Variants in CNOT1 observed in about 807,000 individuals in gnomAD.
CNOT1 encodes CCR4-associated factor 1.
In CNOT1, 15 loss-of-function variants were observed where a neutral mutation model predicts 273.8. The observed-to-expected ratio is 0.05, with a 90% confidence interval of 0.04 to 0.08. CNOT1 has a LOEUF of 0.08. CNOT1 is among the 10% of genes least tolerant of loss of function. The probability of loss-of-function intolerance (pLI) is 1.00; values close to 1 mark genes in which losing one functional copy is unlikely to be tolerated. For missense variants in CNOT1, 1,644 were observed against 2,912.2 expected, an observed-to-expected ratio of 0.56 and a Z score of 10.02; for synonymous variants, 1,022 against 1,005.5, an observed-to-expected ratio of 1.02 and a Z score of -0.31.
chr16:58,578,430 G>A (rs546007194), intron 13 of CNOT1, among the ~76,000 whole-genome samples: 4 of 145,668 alleles, frequency 2.7e-5, no homozygotes, highest in African/African-American at 1.0e-4. Context: ...TCCAGCCTGG[G>A]CGACAGAGCA....
chr16:58,579,450 G>T (rs1052319832), intron 12 of CNOT1, among the ~76,000 whole-genome samples: 8 of 151,916 alleles, frequency 5.3e-5, no homozygotes, highest in African/African-American at 1.5e-4. Context: ...ATGTGATAAT[G>T]GTATTTAAGC....
chr16:58,525,937 GA>G lies in CNOT1; in HGVS notation c.6603+51del, dbSNP rs532403577. ...TGGACCACACACAGGACCATACATA[GA>G]AAGTGCTTTATATGGAAGACGTAGA... is the stretch of plus-strand genomic sequence containing the variant. On this transcript the variant is annotated intron_variant, in intron 45 of 48. Coordinates refer to ENST00000317147, the MANE Select transcript of CNOT1 (RefSeq NM_016284.5). 1,791 of 1,525,568 alleles carry G rather than the reference GA, an allele frequency of 1.2e-3. 7 individuals are homozygous for G. The highest frequency in any genetic ancestry group is 1.9e-3 in the South Asian group (165 of 87,688). 94.5% of individuals were successfully genotyped at this position (1,525,568 alleles called of 1,614,324 possible).
At chr16:58,581,305 G>A (rs2041652237) in intron 11 of CNOT1, 40 bp downstream of exon 11, 1 of 1,563,362 alleles carries the variant, frequency 6.4e-7, no homozygotes. Flanking sequence ...AATAAGTCAT[G>A]TTTTATTCCC....
At chr16:58,608,734 T>A (rs12447860) in intron 1 of CNOT1, among the ~76,000 whole-genome samples, 48,135 of 151,678 alleles carry the variant, frequency 0.32, 9,621 homozygotes, top group Non-Finnish European at 0.45. Flanking sequence ...CATCAACGAG[T>A]GGATAAACAA....
intron 23 of CNOT1, 112 bp downstream of exon 23, chr16:58,551,477 T>C (rs1018540396): frequency 1.5e-6 from 2 of 1,315,848 alleles, no homozygotes; most frequent in East Asian, 2.3e-5. Context: ...TGTCAGTCTT[T>C]TATATCTTTT....
chr16:58,529,778 T>C (rs938731876), intron 43 of CNOT1, among the ~76,000 whole-genome samples: 4 of 138,250 alleles, frequency 2.9e-5, no homozygotes, highest in Non-Finnish European at 4.6e-5. Context: ...GAGGTGGAGG[T>C]TGCAGTAAGC....
chr16:58,544,798 T>C (rs969152421), intron 30 of CNOT1, among the ~76,000 whole-genome samples: 1 of 152,224 alleles, frequency 6.6e-6, no homozygotes, highest in Non-Finnish European at 1.5e-5. Context: ...AAATGTCCCC[T>C]TGAATGTACA....
chr16:58,546,223 T>A (rs575165683), intron 29 of CNOT1, 98 bp downstream of exon 29: 2 of 1,065,036 alleles, frequency 1.9e-6, no homozygotes, highest in Admixed American at 2.2e-5. Flanking sequence ...ACCACTACAT[T>A]ATGTGGGAAA....
At position 58,592,756 on chromosome 16, in the gene CNOT1, C is replaced by T. The variant is rs142253354; in HGVS notation, c.103-3850G>A. 3.9e-5 allele frequency among the ~76,000 whole-genome samples: 6 copies of T among 152,278 alleles called. No individual in the cohort carries two copies. The East Asian group carries it at 7.7e-4, about 20-fold the overall frequency. On this transcript the variant is annotated intron_variant, in intron 2 of 48. Transcript: ENST00000317147. Reference sequence around the variant, plus strand: ...CTGTTCAAGTGATGAATCTGCAACACCAATGAGCCATGAAAGAAAAAAGTT... The same window carrying T: ...CTGTTCAAGTGATGAATCTGCAACATCAATGAGCCATGAAAGAAAAAAGTT...
chr16:58,542,017 A>AAC (rs2040110133), intron 33 of CNOT1, among the ~76,000 whole-genome samples: 1 of 152,226 alleles, frequency 6.6e-6, no homozygotes, highest in Non-Finnish European at 1.5e-5. Flanking sequence ...TTAGAGTAAT[A>AAC]ACACTTCAAC....
At chr16:58,588,056 T>C (rs992747001) in intron 3 of CNOT1, among the ~76,000 whole-genome samples, 178 bp from the exon 4 acceptor site, 2 of 152,190 alleles carry the variant, frequency 1.3e-5, no homozygotes, top group African/African-American at 4.8e-5. Flanking sequence ...CCCAGCACTT[T>C]GAGAGGCCAA....
At chr16:58,539,472 CACACACACACACACACACACAG>C (rs2040013619) in intron 35 of CNOT1, among the ~76,000 whole-genome samples, 1 of 145,138 alleles carries the variant, frequency 6.9e-6, no homozygotes, top group Non-Finnish European at 1.5e-5. Context: ...CTCTTACACA[CACACACACACACACACACACAG>C]ACACACACAC....
At chr16:58,621,910 C>CAA (rs58087048) in intron 1 of CNOT1, among the ~76,000 whole-genome samples, 56 of 85,292 alleles carry the variant, frequency 6.6e-4, no homozygotes, top group East Asian at 4.0e-3. Flanking sequence ...GACTCCGTCT[C>CAA]AAAAAAAAAA....
chr16:58,521,109 G>C (rs922722943), intron 48 of CNOT1, 73 bp from the exon 49 acceptor site: 1 of 1,613,092 alleles, frequency 6.2e-7, no homozygotes, highest in Non-Finnish European at 8.5e-7. Context: ...TCATTCAGCT[G>C]ACCCAACCTA....
intron 2 of CNOT1, among the ~76,000 whole-genome samples, chr16:58,589,996 C>CT (rs1300308189): frequency 1.3e-5 from 2 of 152,182 alleles, no homozygotes; most frequent in Admixed American, 1.3e-4. Context: ...TTCTGCTTTA[C>CT]TTTTTCTCCA....
intron 46 of CNOT1, chr16:58,523,989 T>TTTGG (rs1431751043): frequency 1.3e-5 from 2 of 153,528 alleles, no homozygotes; most frequent in African/African-American, 4.8e-5. Flanking sequence ...GGCTCACGCC[T>TTTGG]GTAATCCCAG....
At chr16:58,525,485 T>C in intron 45 of CNOT1, 126 bp from the exon 46 acceptor site, 1 of 762,258 alleles carries the variant, frequency 1.3e-6, no homozygotes, top group Admixed American at 2.7e-5. Context: ...TTCACTTGCT[T>C]GAATTTGTGA....
intron 46 of CNOT1, 179 bp from the exon 47 acceptor site, chr16:58,523,681 C>A: frequency 2.1e-6 from 1 of 486,172 alleles, no homozygotes; most frequent in Non-Finnish European, 3.6e-6. Context: ...TCAGAATTTT[C>A]CACATTAGAA....
At chr16:58,527,448 C>T (rs2039633250) in intron 44 of CNOT1, among the ~76,000 whole-genome samples, 1 of 151,510 alleles carries the variant, frequency 6.6e-6, no homozygotes, top group African/African-American at 2.4e-5. Context: ...AATCACTGGA[C>T]CCCAGGAGGC....
Sources: allele counts gnomAD v4.1 joint callset (sites outside exome capture counted in the v4.1 genomes callset), GRCh38; gene constraint gnomAD v4.1.1; transcripts MANE v1.5; gene names NCBI Gene and HGNC (gene_info 2026-07-23, HGNC 2026-07-21).